Variants in SPG7 observed in about 807,000 individuals in gnomAD.
SPG7 encodes the protein mitochondrial inner membrane m-AAA protease component paraplegin.
A neutral mutation model predicts 81.9 loss-of-function variants in SPG7; 103 were observed. The observed-to-expected ratio is 1.26, with a 90% CI of 1.07 to 1.48. The LOEUF is 1.48. Among genes scored for constraint, SPG7 ranks in the 40% most tolerant of loss-of-function variants. SPG7 has a pLI of 0.00. For missense variants in SPG7, 1,241 were observed against 1,087.3 expected (o/e 1.14, Z -1.99); for synonymous variants, 534 against 444.2 (o/e 1.20, Z -2.54).
rs1314587362 is a variant in SPG7, at chr16:89,532,573, A to G, written c.1261A>G (p.Met421Val). Residue 421 changes from methionine (M) to valine (V), a missense_variant, in exon 9 of 17, where the codon ATG (methionine) becomes GTG (valine). Physicochemically the swap from Met to Val is conservative, Grantham distance 21 (BLOSUM62 1). Coordinates refer to ENST00000645818, the MANE Select transcript of SPG7 (RefSeq NM_003119.4). ...DAVGKKRSTT[M>V]SGFSNTEEEQ... The stretch of plus-strand genomic sequence containing the variant: ...GGTGGGCAAGAAGCGCTCCACCACC[A>G]TGTCCGGCTTCTCCAACACGGAGGA... 11 of 1,613,676 alleles carry G rather than the reference A, an allele frequency of 6.8e-6. No homozygotes were observed. Among genetic ancestry groups the G allele is most frequent in the African/African-American group, 2.7e-5 (2 of 74,924 alleles).
chr16:89,550,698 G>A (rs2058626168), intron 13 of SPG7, 89 bp downstream of exon 13: 3 of 848,120 alleles, frequency 3.5e-6, no homozygotes, highest in Admixed American at 1.9e-5. Context: ...GGGGAGTCCC[G>A]CCTGTGTCTG....
chr16:89,552,949 C>G, intron 13 of SPG7, 30 bp from the exon 14 acceptor site: 1 of 1,612,500 alleles, frequency 6.2e-7, no homozygotes, highest in Non-Finnish European at 8.5e-7. Flanking sequence ...ATCCTGCCTA[C>G]TGACCTGGGT....
Position 89,530,752 on chromosome 16 carries a change from G to A in SPG7, c.931G>A (p.Val311Met), listed in dbSNP as rs150109507. The change falls in exon 7 of 17, where the codon GTG becomes ATG. Residue 311 changes from valine (V) to methionine (M), a missense_variant. Physicochemically the swap from Val to Met is conservative, Grantham distance 21. Coordinates refer to ENST00000645818, the MANE Select transcript of SPG7 (RefSeq NM_003119.4). ...GGGGAAAGGAGTCAGCTTCAAAGAC[G>A]TGGCAGGAATGCACGAAGCCAAACT... ...KMGKGVSFKD[V>M]AGMHEAKLEV... The A allele has an allele frequency of 3.1e-6, 5 of 1,614,056 alleles. No individual in the cohort carries two copies. The highest frequency in any genetic ancestry group is 2.2e-5 in the East Asian group (1 of 44,898).
chr16:89,534,024 C>T (rs1372488304), intron 9 of SPG7, among the ~76,000 whole-genome samples: 5 of 152,148 alleles, frequency 3.3e-5, no homozygotes, highest in South Asian at 2.1e-4. Flanking sequence ...ACAATGAATA[C>T]GTTCACATAG....
chr16:89,547,954 C>A, intron 11 of SPG7, 49 bp from the exon 12 acceptor site: 1 of 1,427,964 alleles, frequency 7.0e-7, no homozygotes, highest in Non-Finnish European at 9.9e-7. Flanking sequence ...CTCTTAAGCC[C>A]TGATAGCAGA....
intron 12 of SPG7, 159 bp downstream of exon 12, chr16:89,548,272 T>C (rs1020300779): frequency 1.1e-5 from 7 of 614,554 alleles, no homozygotes; most frequent in African/African-American, 5.5e-5. Flanking sequence ...TATGATACCT[T>C]GTACTTTTCC....
rs183211184 is a variant in SPG7 at position 89,511,700 on chromosome 16, G to C, written c.286+1108G>C. ...TCTTTGTGAAGAAAGTTACATTTCAGGTCATGGTTGTGAAACTCTTTCCCT... is the reference window on the plus strand; with the variant it reads ...TCTTTGTGAAGAAAGTTACATTTCACGTCATGGTTGTGAAACTCTTTCCCT... On this transcript the variant is annotated intron_variant, in intron 2 of 16. Transcript: ENST00000645818. Among the ~76,000 whole-genome samples, 310 of 151,804 alleles carry C rather than the reference G, an allele frequency of 2.0e-3. 2 individuals carry two copies. The highest frequency in any genetic ancestry group is 7.0e-3 in the African/African-American group (290 of 41,396).
rs114135540 is a variant in SPG7 at position 89,531,999 on chromosome 16, G to C, written c.1083G>C (p.Ala361=). The part of the protein sequence containing the change: ...PGCGKTLLAK[A]VATEAQVPFL... ...GTGGGAAGACGCTGCTGGCCAAGGC[G>C]GTGGCCACGGAGGCTCAGGTGCCCT... Residue 361 remains alanine (A), a synonymous_variant, in exon 8 of 17, where the codon GCG becomes GCC. Coordinates refer to ENST00000645818, the MANE Select transcript of SPG7 (RefSeq NM_003119.4). The C allele has an allele frequency of 1.9e-6, 3 of 1,613,938 alleles. No individual in the cohort carries two copies. The highest frequency in any genetic ancestry group is 3.3e-5 in the Admixed American group (2 of 60,020).
At chr16:89,532,384 C>T in intron 8 of SPG7, 79 bp from the exon 9 acceptor site, 2 of 1,531,390 alleles carry the variant, frequency 1.3e-6, no homozygotes, top group South Asian at 2.2e-5. Context: ...TGGTGTAGAA[C>T]TTTGTCTGGC....
intron 9 of SPG7, chr16:89,536,677 G>A: frequency 6.5e-7 from 1 of 1,527,312 alleles, no homozygotes; most frequent in Non-Finnish European, 9.0e-7. Flanking sequence ...GTGAGATCGG[G>A]CGAGGCGGGC....
At chr16:89,540,178 G>A (rs1018623668) in intron 9 of SPG7, 14 of 152,190 alleles carry the variant, frequency 9.2e-5, no homozygotes, top group African/African-American at 2.9e-4. Flanking sequence ...TACCAGAATT[G>A]TTTCAGCTAT....
intron 3 of SPG7, chr16:89,514,210 T>C (rs2058060539): frequency 6.6e-6 from 1 of 152,054 alleles, no homozygotes. Flanking sequence ...AGAACTATCT[T>C]CTAAAAGACT....
chr16:89,544,619 C>CT (rs2058539549), intron 9 of SPG7, 29 bp from the exon 10 acceptor site: 2 of 1,613,498 alleles, frequency 1.2e-6, no homozygotes, highest in Non-Finnish European at 8.5e-7. Flanking sequence ...CCCCTACCCT[C>CT]AGAGCCACTG....
chr16:89,535,183 GTGTCGCTGCACC>G (rs2058396103), intron 9 of SPG7, among the ~76,000 whole-genome samples: 1 of 152,216 alleles, frequency 6.6e-6, no homozygotes, highest in African/African-American at 2.4e-5. Context: ...GAGGTTTACA[GTGTCGCTGCACC>G]TGTCGCTGGC....
rs781345665 is a variant in SPG7 at position 89,529,614 on chromosome 16, T to C, written c.861+35T>C. ...GTAAATCAGAGCTCTCTGAACTCTT[T>C]CTGGTTTGTGTTTGCTGAATACTTT... is the stretch of plus-strand genomic sequence containing the variant. On this transcript the variant is annotated intron_variant, in intron 6 of 16. Coordinates refer to ENST00000645818, the MANE Select transcript of SPG7 (RefSeq NM_003119.4). 6.8e-6 allele frequency: 10 copies of C among 1,472,716 alleles called. No homozygotes were observed. In the Admixed American group the frequency reaches 1.4e-4, roughly 20 times the overall value. The allele number at this position is 1,472,716 out of a possible 1,614,324, so 91.2% of individuals were successfully genotyped here. A position where few individuals can be genotyped will look rare whatever the true frequency, so the allele number is the denominator to read the frequency against.
intron 1 of SPG7, chr16:89,508,856 GT>G (rs1377579739): frequency 1.5e-6 from 1 of 665,526 alleles, no homozygotes; most frequent in Admixed American, 2.1e-5. Flanking sequence ...CCCGTCTGTT[GT>G]GTGTGGATGT....
chr16:89,546,971 G>GA lies in SPG7; in HGVS notation c.1552+215dup, dbSNP rs2058572706. 5.4e-6 allele frequency: 3 copies of GA among 554,784 alleles called. No individual in the cohort carries two copies. The South Asian group carries it at 5.7e-5, about 11-fold the overall frequency. The allele number at this position is 554,784 out of a possible 1,614,324, so 34.4% of individuals were successfully genotyped here. A position where few individuals can be genotyped will look rare whatever the true frequency, so the allele number is the denominator to read the frequency against. On this transcript the variant is annotated intron_variant, in intron 11 of 16. Transcript: ENST00000645818. Reference sequence around the variant, plus strand: ...GCACTCCGTCCTCCGCCCCGGGGTGGAAAAGCAGACGGTGGTTCCCGGTCT... The same window carrying GA: ...GCACTCCGTCCTCCGCCCCGGGGTGGAAAAAGCAGACGGTGGTTCCCGGTCT...
intron 10 of SPG7, chr16:89,545,440 G>A: frequency 5.4e-6 from 1 of 186,480 alleles, no homozygotes; most frequent in Non-Finnish European, 1.1e-5. Context: ...GGGCTCAGCG[G>A]CTCTCAGCCG....
At chr16:89,541,358 C>T (rs2058494515) in intron 9 of SPG7, 1 of 974,592 alleles carries the variant, frequency 1.0e-6, no homozygotes, top group Non-Finnish European at 1.2e-6. Flanking sequence ...TGAGAAGAGC[C>T]AGGCTTAGTA....
Sources: gnomAD v4.1 joint callset for allele counts (sites outside exome capture counted in the v4.1 genomes callset) on GRCh38, gnomAD v4.1.1 for gene constraint, MANE v1.5 for transcripts, NCBI Gene and HGNC (gene_info 2026-07-23, HGNC 2026-07-21) for gene names.